Variants in ROBO1 observed in about 807,000 individuals in gnomAD.
The protein encoded by ROBO1 is roundabout guidance receptor 1.
Under a neutral mutation model 195.9 loss-of-function variants are expected in ROBO1, and 149 were observed. The ratio of observed to expected loss-of-function variants is 0.76; its 90% CI spans 0.67 to 0.87. The LOEUF (loss-of-function observed/expected upper bound fraction) is 0.87, where lower values mean the gene tolerates loss of function less well. ROBO1 is among the 40% of genes least tolerant of loss of function. The pLI is 0.00. For missense variants in ROBO1, 1,933 were observed against 2,068.3 expected (o/e 0.93, Z 1.27); for synonymous variants, 816 against 733.2 (o/e 1.11, Z -1.82).
intron 2 of ROBO1, among the ~76,000 whole-genome samples, chr3:79,433,117 A>G (rs1440405099): frequency 6.6e-6 from 1 of 152,122 alleles, no homozygotes; most frequent in Non-Finnish European, 1.5e-5. Context: ...AGATCATCCC[A>G]TCACCTAGGT....
intron 26 of ROBO1, among the ~76,000 whole-genome samples, chr3:78,624,666 C>T (rs1054346752): frequency 1.3e-5 from 2 of 151,970 alleles, no homozygotes; most frequent in East Asian, 1.9e-4. Context: ...ATGACATGAA[C>T]GAGATGAGTT....
At chr3:79,447,433 A>C (rs887612059) in intron 2 of ROBO1, among the ~76,000 whole-genome samples, 1 of 152,210 alleles carries the variant, frequency 6.6e-6, no homozygotes, top group Non-Finnish European at 1.5e-5. Flanking sequence ...TCACCAATGC[A>C]TATTTAGCTT....
intron 2 of ROBO1, among the ~76,000 whole-genome samples, chr3:79,170,014 CAA>C: frequency 1.3e-5 from 2 of 152,112 alleles, no homozygotes; most frequent in East Asian, 3.9e-4. Context: ...CGTTTATAGT[CAA>C]AGAGAGAGAG....
chr3:79,355,999 C>T (rs2035540172), intron 2 of ROBO1, among the ~76,000 whole-genome samples: 1 of 152,098 alleles, frequency 6.6e-6, no homozygotes, highest in South Asian at 2.1e-4. Context: ...CATTTTTACG[C>T]TTAAAAACTC....
At chr3:79,689,055 T>C (rs1410381018) in intron 1 of ROBO1, among the ~76,000 whole-genome samples, 1 of 152,002 alleles carries the variant, frequency 6.6e-6, no homozygotes, top group Non-Finnish European at 1.5e-5. Context: ...CCATTATATC[T>C]TTAACTTACT....
At chr3:79,099,441 A>T (rs2079633850) in intron 3 of ROBO1, among the ~76,000 whole-genome samples, 1 of 151,768 alleles carries the variant, frequency 6.6e-6, no homozygotes, top group South Asian at 2.1e-4. Flanking sequence ...TTTTGGAGCA[A>T]GTCAGGTCAA....
In ROBO1 at chr3:78,597,950, CA is replaced by C. The variant is rs35691197; in HGVS notation, c.*962del. The C allele has an allele frequency of 0.3, 33,342 of 109,382 alleles. 3,374 individuals are homozygous for C. Among genetic ancestry groups the C allele is most frequent in the Middle Eastern group, 0.47 (99 of 212 alleles). 6.8% of individuals were successfully genotyped at this position (109,382 alleles called of 1,614,324 possible). ...AGTTTAGTGATTGTGCTTTTAAAAC[CA>C]AAAAAAAAAAAAAAAAGAGAGAGAG... is the stretch of plus-strand genomic sequence containing the variant. On this transcript the variant is annotated 3_prime_UTR_variant, in exon 31 of 31. Transcript: ENST00000464233.
intron 4 of ROBO1, among the ~76,000 whole-genome samples, chr3:78,788,670 T>A (rs2083924624): frequency 6.6e-6 from 1 of 152,080 alleles, no homozygotes; most frequent in African/African-American, 2.4e-5. Flanking sequence ...CTTAGTGGTA[T>A]TTAGTTTTGA....
chr3:78,697,178 C>T (rs376948465), intron 8 of ROBO1, among the ~76,000 whole-genome samples: 1 of 150,428 alleles, frequency 6.6e-6, no homozygotes, highest in Non-Finnish European at 1.5e-5. Flanking sequence ...TAAGAATATA[C>T]ATTGCTCAGA....
chr3:78,651,515 A>G (rs1268635911), intron 19 of ROBO1, among the ~76,000 whole-genome samples: 2 of 152,192 alleles, frequency 1.3e-5, no homozygotes, highest in Non-Finnish European at 2.9e-5. Flanking sequence ...TTTTAAAGGA[A>G]CTGAGCCCTA....
intron 5 of ROBO1, among the ~76,000 whole-genome samples, chr3:78,727,157 C>T (rs1203705440): frequency 1.3e-5 from 2 of 151,554 alleles, no homozygotes; most frequent in African/African-American, 2.4e-5. Context: ...AAATGACAGA[C>T]AAAGAATTGG....
intron 4 of ROBO1, among the ~76,000 whole-genome samples, chr3:78,860,324 A>T (rs867462684): frequency 0.018 from 1,095 of 59,818 alleles, 15 homozygotes; most frequent in African/African-American, 0.069. Context: ...ATATATATAT[A>T]TATTTTTTTT....
chr3:78,764,305 A>G (rs2083176343), intron 4 of ROBO1, among the ~76,000 whole-genome samples: 1 of 152,194 alleles, frequency 6.6e-6, no homozygotes, highest in Non-Finnish European at 1.5e-5. Flanking sequence ...GAGTCCAGTT[A>G]GGTTAAATAA....
chr3:79,480,156 G>A (rs1350208554), intron 2 of ROBO1, among the ~76,000 whole-genome samples: 6 of 152,060 alleles, frequency 3.9e-5, no homozygotes, highest in Admixed American at 3.9e-4. Context: ...GTTTTGAAAG[G>A]GGATTTTATT....
intron 4 of ROBO1, among the ~76,000 whole-genome samples, chr3:78,845,275 A>G (rs2033581068): frequency 6.6e-6 from 1 of 151,652 alleles, no homozygotes; most frequent in Admixed American, 6.6e-5. Context: ...CAGATTTTAG[A>G]GATTTAATAT....
chr3:79,175,792 A>G (rs974612140), intron 2 of ROBO1, among the ~76,000 whole-genome samples: 1 of 152,208 alleles, frequency 6.6e-6, no homozygotes, highest in Non-Finnish European at 1.5e-5. Context: ...TAACTTTATA[A>G]ACATTATTGG....
chr3:79,554,795 A>G (rs1942640773), intron 2 of ROBO1, among the ~76,000 whole-genome samples: 1 of 152,110 alleles, frequency 6.6e-6, no homozygotes, highest in Admixed American at 6.6e-5. Context: ...GGAGATATGG[A>G]CAAATCCCTT....
chr3:78,991,614 A>C (rs188757150), intron 3 of ROBO1, among the ~76,000 whole-genome samples: 1 of 152,344 alleles, frequency 6.6e-6, no homozygotes, highest in East Asian at 1.9e-4. Flanking sequence ...CTGTATCCTG[A>C]CAGCTGGCTT....
intron 3 of ROBO1, among the ~76,000 whole-genome samples, chr3:79,039,253 C>A (rs2078436569): frequency 6.6e-6 from 1 of 152,090 alleles, no homozygotes; most frequent in African/African-American, 2.4e-5. Context: ...TTATTTCTTT[C>A]TTTTTATTTC....
Sources: allele counts gnomAD v4.1 joint callset (sites outside exome capture counted in the v4.1 genomes callset), GRCh38; gene constraint gnomAD v4.1.1; transcripts MANE v1.5; gene names NCBI Gene and HGNC (gene_info 2026-07-23, HGNC 2026-07-21).